Variants in PHLDA1 observed in about 807,000 individuals in gnomAD.
PHLDA1 encodes the protein pleckstrin homology like domain family A member 1, also known as pleckstrin homology-like domain family A member 1.
Under a neutral mutation model 33.8 loss-of-function variants are expected in PHLDA1, and 28 were observed. The observed-to-expected ratio is 0.83, with a 90% CI of 0.61 to 1.14. PHLDA1 has a LOEUF of 1.14. PHLDA1 is among the 50% of genes most tolerant of loss of function. The pLI, the probability that PHLDA1 is intolerant of heterozygous loss-of-function variation, is 0.00. For synonymous variants in PHLDA1, 271 were observed against 243.6 expected, an observed-to-expected ratio of 1.11 and a Z score of -1.05; for missense variants, 595 against 548.6, an observed-to-expected ratio of 1.08 and a Z score of -0.84.
chr12:76,031,013 C>T lies in PHLDA1; in HGVS notation c.729G>A (p.Val243=), dbSNP rs1224687939. Residue 243 remains valine, a synonymous_variant, in exon 1 of 2, where the codon GTG becomes GTA. Coordinates refer to ENST00000266671, the Ensembl canonical transcript of PHLDA1. The surrounding 1 kb of genome is among the most constrained non-coding windows in gnomAD (Gnocchi z 5.4). ...AGTACATGTACTTGCCCTTGCGCTC[C>T]ACACAGTCCACGGTCTTCATGTTGG... 1.9e-6 allele frequency: 3 copies of T among 1,613,152 alleles called. No homozygotes were observed. Among genetic ancestry groups the T allele is most frequent in the Non-Finnish European group, 8.5e-7 (1 of 1,179,988 alleles).
At chr12:76,027,573 C>T (rs377384962) in exon 2 of PHLDA1, 2 of 151,820 alleles carry the variant, frequency 1.3e-5, no homozygotes, top group East Asian at 1.9e-4. Flanking sequence ...AACAGCCTGA[C>T]CACTATGGTG....
At chr12:76,027,726 CA>C (rs940419618) in exon 2 of PHLDA1, 24 of 150,216 alleles carry the variant, frequency 1.6e-4, no homozygotes, top group African/African-American at 5.7e-4. Flanking sequence ...CGTGCCACTG[CA>C]CTCCAGCCTG....
exon 2 of PHLDA1, chr12:76,026,319 C>T (rs986782721): frequency 5.3e-5 from 8 of 152,196 alleles, no homozygotes; most frequent in Admixed American, 2.0e-4. Flanking sequence ...TCTTCTAAGG[C>T]TGCTACTGAA....
Position 76,031,586 on chromosome 12 carries a change from A to G in PHLDA1, c.156T>C (p.Ser52=). Residue 52 remains serine (S), a synonymous_variant, in exon 1 of 2, where the codon AGT becomes AGC. Coordinates refer to ENST00000266671, the Ensembl canonical transcript of PHLDA1. The surrounding 1 kb of genome is among the most constrained non-coding windows in gnomAD (Gnocchi z 5.4). ...CTCTGCCGTCCTCTTGCGAGCGCTC[A>G]CTGAAGGGCACTGGCCGGGCCCCCT... 1 of 1,575,464 alleles carries G rather than the reference A, an allele frequency of 6.3e-7. No homozygotes were observed. Among genetic ancestry groups the G allele is most frequent in the African/African-American group, 1.4e-5 (1 of 71,540 alleles).
chr12:76,030,894 T>TA lies in PHLDA1; in HGVS notation c.847dup (p.Tyr283LeufsTer134). 1 of 1,613,534 alleles carries TA rather than the reference T, an allele frequency of 6.2e-7. No homozygotes were observed. Among genetic ancestry groups the TA allele is most frequent in the Non-Finnish European group, 8.5e-7 (1 of 1,179,786 alleles). On this transcript the variant is annotated frameshift_variant, in exon 1 of 2. Transcript: ENST00000266671. LOFTEE classifies it high-confidence loss of function. ...CGCCAGGATGGCCTGACGATTCTTG[T>TA]ACTGCACCATCTGCAGCGTGATCTC...
At chr12:76,029,960 G>A (rs1359484089) in exon 2 of PHLDA1, 1 of 153,664 alleles carries the variant, frequency 6.5e-6, no homozygotes, top group East Asian at 1.9e-4. Flanking sequence ...AGAAAACTAA[G>A]AAGAATCGCA....
exon 2 of PHLDA1, chr12:76,029,794 A>C (rs1034312415): frequency 2.7e-5 from 4 of 149,948 alleles, no homozygotes; most frequent in African/African-American, 7.4e-5. Flanking sequence ...TTAAAAAAAA[A>C]CTAATAAATA....
At chr12:76,030,477 C>G in intron 1 of PHLDA1, 33 bp downstream of exon 1, 1 of 1,560,746 alleles carries the variant, frequency 6.4e-7, no homozygotes, top group Non-Finnish European at 8.8e-7. Flanking sequence ...CCCCGAGACC[C>G]ACTCCTCGGG....
chr12:76,030,406 T>C, intron 1 of PHLDA1, 104 bp downstream of exon 1: 1 of 857,440 alleles, frequency 1.2e-6, no homozygotes. Flanking sequence ...GTATGAGTTT[T>C]GATTTCTCCA....
At chr12:76,029,499 T>C (rs1341201416) in exon 2 of PHLDA1, 1 of 152,256 alleles carries the variant, frequency 6.6e-6, no homozygotes, top group Non-Finnish European at 1.5e-5. Context: ...TTTTTAACTT[T>C]TAGCTTTTTA....
chr12:76,026,238 CA>C lies in PHLDA1; in HGVS notation c.*3880del, dbSNP rs1870772213. The stretch of plus-strand genomic sequence containing the variant: ...AGTTTGACACACACGAAAAAGAAAA[CA>C]AATGTTCACAGTCCTATCTTCGTAG... On this transcript the variant is annotated 3_prime_UTR_variant, in exon 2 of 2. Transcript: ENST00000266671. 4 of 152,208 alleles carry C rather than the reference CA, an allele frequency of 2.6e-5. No homozygotes were observed. In the South Asian group the frequency reaches 8.3e-4, roughly 32 times the overall value. The allele number at this position is 152,208 out of a possible 1,614,324, so 9.4% of individuals were successfully genotyped here. A position where few individuals can be genotyped will look rare whatever the true frequency, so the allele number is the denominator to read the frequency against.
exon 2 of PHLDA1, chr12:76,026,849 A>T (rs900224117): frequency 6.6e-6 from 1 of 152,188 alleles, no homozygotes; most frequent in African/African-American, 2.4e-5. Context: ...CTGTCCCAGA[A>T]TTCATTGTTC....
chr12:76,029,027 CA>C (rs11433339), exon 2 of PHLDA1: 1 of 151,920 alleles, frequency 6.6e-6, no homozygotes, highest in Non-Finnish European at 1.5e-5. Flanking sequence ...AGTATGAAAA[CA>C]AAAGTTATGA....
chr12:76,031,387 G>C lies in PHLDA1; in HGVS notation c.355C>G (p.Leu119Val), dbSNP rs775346830. 1.9e-6 allele frequency: 3 copies of C among 1,601,984 alleles called. No homozygotes were observed. The highest frequency in any genetic ancestry group is 2.6e-6 in the Non-Finnish European group (3 of 1,175,270). The change falls in exon 1 of 2, where the codon CTG (leucine) becomes GTG (valine). Residue 119 changes from leucine to valine, a missense_variant. Leu to Val is a conservative substitution (Grantham distance 32). This residue lies in a region of PHLDA1 where 263 missense variants were observed against 232.3 expected (regional missense o/e 1.13). Transcript: ENST00000266671. The surrounding 1 kb of genome is among the most constrained non-coding windows in gnomAD (Gnocchi z 5.4). ...TTTCCAGCCGCGCGGGCCGGGGGCA[G>C]CAGCAGCAGCCTCGCGCCGTCCTCG...
chr12:76,031,155 T>G lies in PHLDA1; in HGVS notation c.587A>C (p.Gln196Pro), dbSNP rs764390952. 1 of 1,419,260 alleles carries G rather than the reference T, an allele frequency of 7.0e-7. No individual in the cohort carries two copies. Among genetic ancestry groups the G allele is most frequent in the African/African-American group, 3.1e-5 (1 of 32,438 alleles). 87.9% of individuals were successfully genotyped at this position (1,419,260 alleles called of 1,614,324 possible). Residue 196 changes from glutamine (Q) to proline (P), a missense_variant, in exon 1 of 2, where the codon CAG (glutamine) becomes CCG (proline). Physicochemically the swap from Gln to Pro is moderately conservative, Grantham distance 76. Transcript: ENST00000266671. The surrounding 1 kb of genome is among the most constrained non-coding windows in gnomAD (Gnocchi z 5.4). ...CTGTTGTTGCTGCTGCTGCTGCTGC[T>G]GTTGCTGCTGCTGCTGCTGGTGTTG...
At position 76,031,381 on chromosome 12, in the gene PHLDA1, G is replaced by C. The variant is rs770035556; in HGVS notation, c.361C>G (p.Pro121Ala). The change falls in exon 1 of 2, where the codon CCG (proline) becomes GCG (alanine). Residue 121 changes from proline to alanine, a missense_variant. By Grantham distance (27) the Pro-to-Ala change is conservative. Around this residue, in one of 3 missense-constraint regions of PHLDA1, gnomAD observed 263 missense variants for 232.3 expected, o/e 1.13. Transcript: ENST00000266671. This position sits in a 1 kb window ranked among gnomAD's most constrained non-coding sequence, Gnocchi z 5.4. ...TCTCCGTTTCCAGCCGCGCGGGCCGGGGGCAGCAGCAGCAGCCTCGCGCCG... is the reference window on the plus strand; with the variant it reads ...TCTCCGTTTCCAGCCGCGCGGGCCGCGGGCAGCAGCAGCAGCCTCGCGCCG... 3 of 1,605,910 alleles carry C rather than the reference G, an allele frequency of 1.9e-6. No individual in the cohort carries two copies. In the South Asian group the frequency reaches 3.3e-5, roughly 18 times the overall value.
chr12:76,028,304 G>A (rs1489918022), exon 2 of PHLDA1: 3 of 151,900 alleles, frequency 2.0e-5, no homozygotes, highest in African/African-American at 4.8e-5. Context: ...TTTAAATGTT[G>A]GCAGCATATT....
chr12:76,031,170 TG>T lies in PHLDA1; in HGVS notation c.571del (p.Gln191SerfsTer47). On this transcript the variant is annotated frameshift_variant, in exon 1 of 2. Transcript: ENST00000266671. LOFTEE classifies it high-confidence loss of function. The surrounding 1 kb of genome is among the most constrained non-coding windows in gnomAD (Gnocchi z 5.4). ...CTGCTGCTGCTGTTGCTGCTGCTGC[TG>T]CTGGTGTTGCAGCTGCTTGGGCGGG... 4 of 1,612,256 alleles carry T rather than the reference TG, an allele frequency of 2.5e-6. No homozygotes were observed. Among genetic ancestry groups the T allele is most frequent in the South Asian group, 1.1e-5 (1 of 91,054 alleles).
chr12:76,031,485 G>A lies in PHLDA1; in HGVS notation c.257C>T (p.Pro86Leu), dbSNP rs749482306. The A allele has an allele frequency of 2.0e-6, 3 of 1,519,932 alleles. No individual in the cohort carries two copies. Among genetic ancestry groups the A allele is most frequent in the East Asian group, 2.5e-5 (1 of 39,572 alleles). 94.2% of individuals were successfully genotyped at this position (1,519,932 alleles called of 1,614,324 possible). ...AACACGCAGGAGGCAGAGCGGCGGC[G>A]GCGGCTCTGGGTCCCGGCAGAGGGA... is the stretch of plus-strand genomic sequence containing the variant. The change falls in exon 1 of 2, where the codon CCG (proline) becomes CTG (leucine). Residue 86 changes from proline (P) to leucine (L), a missense_variant. Physicochemically the swap from Pro to Leu is moderately conservative, Grantham distance 98. Transcript: ENST00000266671. This position sits in a 1 kb window ranked among gnomAD's most constrained non-coding sequence, Gnocchi z 5.4.
Sources: allele counts gnomAD v4.1 joint callset, GRCh38; gene constraint gnomAD v4.1.1; regional missense constraint gnomAD v4.1.1; non-coding constraint Gnocchi (gnomAD v3.1); transcripts MANE v1.5; gene names NCBI Gene and HGNC (gene_info 2026-07-23, HGNC 2026-07-21).